Variants in COL19A1 observed in about 807,000 individuals in gnomAD.
The protein encoded by COL19A1 is collagen type XIX alpha 1 chain.
Under a neutral mutation model 190.2 loss-of-function variants are expected in COL19A1, and 159 were observed. The ratio of observed to expected loss-of-function variants is 0.84; its 90% CI spans 0.73 to 0.95. The LOEUF (loss-of-function observed/expected upper bound fraction) is 0.95, where lower values mean the gene tolerates loss of function less well. Among genes scored for constraint, COL19A1 ranks in the 40% least tolerant of loss-of-function variants. The pLI, the probability that COL19A1 is intolerant of heterozygous loss-of-function variation, is 0.00. For synonymous variants in COL19A1, 509 were observed against 458.9 expected, an observed-to-expected ratio of 1.11 and a Z score of -1.39; for missense variants, 1,418 against 1,431.9, an observed-to-expected ratio of 0.99 and a Z score of 0.16.
chr6:70,002,818 T>A (rs1379413309), intron 11 of COL19A1, among the ~76,000 whole-genome samples: 7 of 149,096 alleles, frequency 4.7e-5, no homozygotes, highest in East Asian at 1.9e-4. Context: ...TTTTTTTTTT[T>A]TCCTCAAAAA....
At chr6:70,099,268 TAATCTGAAAATTCGA>T (rs1783480958) in intron 15 of COL19A1, among the ~76,000 whole-genome samples, 1 of 151,992 alleles carries the variant, frequency 6.6e-6, no homozygotes, top group Non-Finnish European at 1.5e-5. Flanking sequence ...TGAGCATCCC[TAATCTGAAAATTCGA>T]AATCTGAAAT....
At chr6:69,884,150 C>A (rs1038086825) in intron 2 of COL19A1, among the ~76,000 whole-genome samples, 3 of 151,916 alleles carry the variant, frequency 2.0e-5, no homozygotes, top group Admixed American at 6.6e-5. Flanking sequence ...GCCTGGCCAG[C>A]ATGGTGAAAT....
chr6:69,938,300 G>A (rs796339691), intron 9 of COL19A1, among the ~76,000 whole-genome samples, 200 bp downstream of exon 9: 45 of 152,194 alleles, frequency 3.0e-4, no homozygotes, highest in African/African-American at 1.0e-3. Flanking sequence ...TGGTAGGCTG[G>A]TGTGAACTTT....
chr6:70,025,944 T>G (rs1446009704), intron 12 of COL19A1, among the ~76,000 whole-genome samples: 2 of 152,180 alleles, frequency 1.3e-5, no homozygotes, highest in Non-Finnish European at 2.9e-5. Context: ...CCGTTCTGTG[T>G]GAGAAGGATA....
rs267601105 is a variant in COL19A1, at chr6:70,199,691, G to T, written c.3178G>T (p.Gly1060Trp). Reference sequence around the variant, plus strand: ...AGCTTATGGGAGACCTGGGCCACCAGGGAAGGATGGGTTGCCTGGGCCACC... The same window carrying T: ...AGCTTATGGGAGACCTGGGCCACCATGGAAGGATGGGTTGCCTGGGCCACC... ...AQAYGRPGPP[G>W]KDGLPGPPGD... Residue 1060 changes from glycine to tryptophan, a missense_variant, in exon 49 of 51, where the codon GGG becomes TGG. Gly to Trp is a radical substitution (Grantham distance 184). Transcript: ENST00000620364. 6.2e-7 allele frequency: 1 copy of T among 1,610,930 alleles called. No individual in the cohort carries two copies. The highest frequency in any genetic ancestry group is 1.3e-5 in the African/African-American group (1 of 75,008).
At chr6:70,086,963 C>G (rs1782627367) in intron 15 of COL19A1, among the ~76,000 whole-genome samples, 1 of 151,578 alleles carries the variant, frequency 6.6e-6, no homozygotes, top group Non-Finnish European at 1.5e-5. Context: ...CAGCAGACTA[C>G]AGCCCTTGGG....
chr6:69,869,173 A>C (rs2149928523), intron 1 of COL19A1, among the ~76,000 whole-genome samples: 1 of 152,338 alleles, frequency 6.6e-6, no homozygotes, highest in South Asian at 2.1e-4. Context: ...TTCCAGCCAG[A>C]AGAAATTGCA....
chr6:70,005,476 A>T (rs1777558205), intron 11 of COL19A1, among the ~76,000 whole-genome samples: 1 of 152,074 alleles, frequency 6.6e-6, no homozygotes. Context: ...GTTTGCTCCC[A>T]CACCTGGAGA....
chr6:70,172,451 G>A (rs1765553520), intron 41 of COL19A1, among the ~76,000 whole-genome samples: 1 of 152,044 alleles, frequency 6.6e-6, no homozygotes, highest in Non-Finnish European at 1.5e-5. Flanking sequence ...TGAGGAGATA[G>A]TCGTAGGAGA....
intron 4 of COL19A1, among the ~76,000 whole-genome samples, chr6:69,920,895 C>CAT (rs962469597): frequency 7.3e-6 from 1 of 136,630 alleles, no homozygotes; most frequent in Non-Finnish European, 1.6e-5. Flanking sequence ...AATTTCTAGT[C>CAT]ATATATATAT....
At chr6:69,938,227 T>C (rs1403825672) in intron 9 of COL19A1, 127 bp downstream of exon 9, 4 of 856,402 alleles carry the variant, frequency 4.7e-6, no homozygotes, top group South Asian at 1.8e-5. Context: ...TCAAAGACTA[T>C]ATTAAAATGC....
Position 69,922,566 on chromosome 6 carries a change from C to T in COL19A1, c.267-5343C>T, listed in dbSNP as rs558728104. On this transcript the variant is annotated intron_variant, in intron 4 of 50. Transcript: ENST00000620364. ...TGCAATCTCGGCTCACTGCAACCTT[C>T]ACCTCCTGGGTTCAAACAATTCTCC... is the stretch of plus-strand genomic sequence containing the variant. Among the ~76,000 whole-genome samples the T allele has an allele frequency of 1.0e-3, 153 of 146,500 alleles. 1 individual carries two copies. Among genetic ancestry groups the T allele is most frequent in the Non-Finnish European group, 1.6e-3 (109 of 67,130 alleles).
intron 16 of COL19A1, among the ~76,000 whole-genome samples, chr6:70,117,446 T>C (rs1344786421): frequency 6.6e-6 from 1 of 152,212 alleles, no homozygotes; most frequent in Non-Finnish European, 1.5e-5. Context: ...GCAGACATCA[T>C]GGTATTTCTG....
chr6:70,101,759 A>G (rs890931161), intron 15 of COL19A1, among the ~76,000 whole-genome samples: 5 of 152,154 alleles, frequency 3.3e-5, no homozygotes, highest in African/African-American at 9.7e-5. Context: ...CTCACCCTCA[A>G]ATAACTCATA....
chr6:69,986,022 G>A (rs78946202), intron 11 of COL19A1, among the ~76,000 whole-genome samples: 12,690 of 151,764 alleles, frequency 0.084, 605 homozygotes, highest in East Asian at 0.2. Context: ...CAGTAACCTA[G>A]AATTTGAATA....
In COL19A1 at chr6:70,188,079, AT is replaced by A. The variant is rs1478080231; in HGVS notation, c.2862del (p.Gln955ArgfsTer21). The A allele has an allele frequency of 6.2e-7, 1 of 1,613,474 alleles. No individual in the cohort carries two copies. The highest frequency in any genetic ancestry group is 8.5e-7 in the Non-Finnish European group (1 of 1,179,740). On this transcript the variant is annotated frameshift_variant, in exon 47 of 51. Coordinates refer to ENST00000620364, the MANE Select transcript of COL19A1 (RefSeq NM_001858.6). LOFTEE classifies it high-confidence loss of function. ...TTATTATTTTTTCCTTAACAGGGTG[AT>A]CAGGGGATTCCAGGAGACAGAGGCT... Reference protein sequence around the residue: ...GDRGPKGERGDQGIPGDRGSQ... With the variant: ...GDRGPKGERGXQGIPGDRGSQ...
chr6:70,003,414 C>G (rs1045305322), intron 11 of COL19A1, among the ~76,000 whole-genome samples: 5 of 152,148 alleles, frequency 3.3e-5, no homozygotes, highest in Non-Finnish European at 7.4e-5. Context: ...AGTTCAAGTC[C>G]TGAATATCCT....
At chr6:70,021,092 G>T (rs528850257) in intron 11 of COL19A1, among the ~76,000 whole-genome samples, 13 of 152,168 alleles carry the variant, frequency 8.5e-5, no homozygotes, top group African/African-American at 2.9e-4. Flanking sequence ...TTATAAAAAT[G>T]ACAACAATAA....
chr6:69,994,115 A>G (rs776775533), intron 11 of COL19A1, among the ~76,000 whole-genome samples: 3 of 151,942 alleles, frequency 2.0e-5, no homozygotes, highest in Non-Finnish European at 4.4e-5. Context: ...CCCCTTTACA[A>G]AAGTAAATAA....
Sources: allele counts gnomAD v4.1 joint callset (sites outside exome capture counted in the v4.1 genomes callset), GRCh38; gene constraint gnomAD v4.1.1; transcripts MANE v1.5; gene names NCBI Gene and HGNC (gene_info 2026-07-23, HGNC 2026-07-21).